Variants in NT5DC1 observed in about 807,000 individuals in gnomAD.
NT5DC1 encodes the protein 5'-nucleotidase domain containing 1.
NT5DC1 carries 42 observed loss-of-function variants against 59.4 expected under a neutral mutation model. That is an observed-to-expected ratio of 0.71 (90% confidence interval 0.55 to 0.92). The LOEUF is 0.92. NT5DC1 is among the 40% of genes least tolerant of loss of function. NT5DC1 has a pLI of 0.00. For missense variants in NT5DC1, 501 were observed against 537.1 expected, an observed-to-expected ratio of 0.93 and a Z score of 0.66; for synonymous variants, 172 against 188.1, an observed-to-expected ratio of 0.91 and a Z score of 0.70.
At chr6:116,237,554 C>G (rs771282465) in intron 9 of NT5DC1, 20 of 456,686 alleles carry the variant, frequency 4.4e-5, no homozygotes, top group Middle Eastern at 3.3e-4. Flanking sequence ...CTGGGGACTC[C>G]TGAGGGTTAA....
intron 6 of NT5DC1, among the ~76,000 whole-genome samples, chr6:116,217,306 A>T (rs753128067): frequency 6.6e-6 from 1 of 152,140 alleles, no homozygotes; most frequent in African/African-American, 2.4e-5. Flanking sequence ...TTTTTAACAT[A>T]GGAGAGCTAA....
At chr6:116,205,598 T>C (rs1469248847) in intron 6 of NT5DC1, among the ~76,000 whole-genome samples, 1 of 148,154 alleles carries the variant, frequency 6.7e-6, no homozygotes, top group Non-Finnish European at 1.5e-5. Context: ...GTGGAATAAA[T>C]TGGGGGGGAA....
At chr6:116,194,614 G>T (rs1781186997) in intron 6 of NT5DC1, among the ~76,000 whole-genome samples, 1 of 151,986 alleles carries the variant, frequency 6.6e-6, no homozygotes, top group African/African-American at 2.4e-5. Flanking sequence ...GGAGGGGTAA[G>T]AATAATAAAG....
intron 2 of NT5DC1, among the ~76,000 whole-genome samples, chr6:116,107,540 T>TTTTTATTTTATTTTATTTTATTTTA (rs371049347): frequency 4.6e-4 from 61 of 132,692 alleles, no homozygotes; most frequent in African/African-American, 1.7e-3. Flanking sequence ...AGTGGTTTTC[T>TTTTTATTTTATTTTATTTTATTTTA]TTTTATTTTA....
Position 116,249,480 on chromosome 6 carries a change from T to A in NT5DC1, c.*5456T>A, listed in dbSNP as rs998814111. ...CAGCAAAACTATCATTACCGGTAATTAAAGTTGTGATACCTGATATCATTT... is the reference window on the plus strand; with the variant it reads ...CAGCAAAACTATCATTACCGGTAATAAAAGTTGTGATACCTGATATCATTT... On this transcript the variant is annotated 3_prime_UTR_variant, in exon 12 of 12. Transcript: ENST00000319550. 1 of 152,218 alleles carries A rather than the reference T, an allele frequency of 6.6e-6. No homozygotes were observed. Among genetic ancestry groups the A allele is most frequent in the Non-Finnish European group, 1.5e-5 (1 of 68,030 alleles). The allele number at this position is 152,218 out of a possible 1,614,324, so 9.4% of individuals were successfully genotyped here.
chr6:116,240,058 A>G (rs566724728), intron 11 of NT5DC1, among the ~76,000 whole-genome samples: 2 of 152,348 alleles, frequency 1.3e-5, no homozygotes, highest in Non-Finnish European at 2.9e-5. Context: ...AAATTAGGTC[A>G]AAAGAACATA....
intron 8 of NT5DC1, among the ~76,000 whole-genome samples, chr6:116,224,220 A>T (rs1781864798): frequency 1.3e-5 from 2 of 152,218 alleles, no homozygotes; most frequent in South Asian, 4.1e-4. Context: ...TTTATTTAAT[A>T]TGGTAATACA....
At chr6:116,156,369 T>C (rs1780193785) in intron 6 of NT5DC1, among the ~76,000 whole-genome samples, 1 of 152,226 alleles carries the variant, frequency 6.6e-6, no homozygotes, top group African/African-American at 2.4e-5. Flanking sequence ...TATTAGTTAG[T>C]TTGCTGGTTT....
chr6:116,190,874 G>A (rs1211383808), intron 6 of NT5DC1, among the ~76,000 whole-genome samples: 1 of 151,978 alleles, frequency 6.6e-6, no homozygotes, highest in African/African-American at 2.4e-5. Flanking sequence ...GGTTCTGTGT[G>A]GTGCTTCTAC....
At chr6:116,219,438 C>A (rs1285848265) in intron 6 of NT5DC1, among the ~76,000 whole-genome samples, 1 of 152,126 alleles carries the variant, frequency 6.6e-6, no homozygotes, top group Non-Finnish European at 1.5e-5. Flanking sequence ...GGGTCCCCAG[C>A]ACTTCCTAAA....
intron 6 of NT5DC1, among the ~76,000 whole-genome samples, chr6:116,212,260 T>C (rs1781595523): frequency 6.6e-6 from 1 of 152,036 alleles, no homozygotes; most frequent in Non-Finnish European, 1.5e-5. Flanking sequence ...TATGAAAGCA[T>C]ATAGAAGATA....
chr6:116,131,566 T>G (rs2114331965), intron 6 of NT5DC1, among the ~76,000 whole-genome samples: 1 of 152,308 alleles, frequency 6.6e-6, no homozygotes, highest in East Asian at 1.9e-4. Context: ...TCTGCATTCC[T>G]TTTTACAGCT....
At chr6:116,174,432 G>A (rs1232357024) in intron 6 of NT5DC1, among the ~76,000 whole-genome samples, 5 of 152,146 alleles carry the variant, frequency 3.3e-5, no homozygotes, top group South Asian at 4.1e-4. Context: ...AGGAAAAGAC[G>A]ATATGCATGA....
At chr6:116,228,235 G>A (rs1471934835) in intron 8 of NT5DC1, among the ~76,000 whole-genome samples, 1 of 152,202 alleles carries the variant, frequency 6.6e-6, no homozygotes, top group African/African-American at 2.4e-5. Flanking sequence ...TTGGCCGGGA[G>A]CGGTGGCTCA....
intron 6 of NT5DC1, among the ~76,000 whole-genome samples, chr6:116,138,017 G>T (rs576604013): frequency 6.6e-6 from 1 of 151,918 alleles, no homozygotes; most frequent in Non-Finnish European, 1.5e-5. Context: ...GGCAGAGGTT[G>T]CAGTGAGCCA....
At chr6:116,238,157 C>G in intron 9 of NT5DC1, 30 bp from the exon 10 acceptor site, 2 of 1,536,860 alleles carry the variant, frequency 1.3e-6, no homozygotes, top group Non-Finnish European at 1.8e-6. Context: ...AATTCTGTGC[C>G]TCAAACAGCA....
chr6:116,121,260 C>A lies in NT5DC1; in HGVS notation c.529+3315C>A, dbSNP rs763133024. On this transcript the variant is annotated intron_variant, in intron 6 of 11. Coordinates refer to ENST00000319550, the MANE Select transcript of NT5DC1 (RefSeq NM_152729.3). ...CCTGGGGGCCCAGCTATTCCTGGAG[C>A]CCCAGGGAGACCTTTTGTTCCTGGA... is the stretch of plus-strand genomic sequence containing the variant. 3.1e-6 allele frequency: 5 copies of A among 1,613,916 alleles called. No individual in the cohort carries two copies. In the South Asian group the frequency reaches 5.5e-5, roughly 18 times the overall value.
intron 6 of NT5DC1, among the ~76,000 whole-genome samples, chr6:116,181,476 A>G (rs567941447): frequency 6.6e-6 from 1 of 152,260 alleles, no homozygotes; most frequent in African/African-American, 2.4e-5. Context: ...AATAAAAACC[A>G]TAGGAAACTA....
intron 8 of NT5DC1, among the ~76,000 whole-genome samples, chr6:116,229,714 A>G (rs1781979035): frequency 6.6e-6 from 1 of 152,162 alleles, no homozygotes; most frequent in Non-Finnish European, 1.5e-5. Flanking sequence ...TGTTCACCGC[A>G]GTGTCGCCAA....
Sources: allele counts gnomAD v4.1 joint callset (sites outside exome capture counted in the v4.1 genomes callset), GRCh38; gene constraint gnomAD v4.1.1; transcripts MANE v1.5; gene names NCBI Gene and HGNC (gene_info 2026-07-23, HGNC 2026-07-21).